BPTF: variants seen among roughly 807,000 people sequenced by gnomAD.
The protein encoded by BPTF is nucleosome-remodeling factor subunit BPTF.
In BPTF, 18 loss-of-function variants were observed where a neutral mutation model predicts 292.5. The ratio of observed to expected loss-of-function variants is 0.06; its 90% CI spans 0.04 to 0.09. The LOEUF is 0.09. BPTF is among the 10% of genes least tolerant of loss of function. The pLI is 1.00. For missense variants in BPTF, 2,726 were observed against 3,498.7 expected (o/e 0.78, Z 5.57); for synonymous variants, 1,225 against 1,251.9 (o/e 0.98, Z 0.45).
In BPTF at chr17:67,912,724, G is replaced by T; in HGVS notation, c.4840G>T (p.Val1614Phe). ...AGAAAAAGGCGATAAGCAAACTGTGGTTTCTTCCACAGAAAATTGTGCAAA... is the reference window on the plus strand; with the variant it reads ...AGAAAAAGGCGATAAGCAAACTGTGTTTTCTTCCACAGAAAATTGTGCAAA... ...KVEKGDKQTV[V>F]SSTENCAKST... Residue 1614 changes from valine to phenylalanine, a missense_variant, in exon 11 of 28, where the codon GTT becomes TTT. Val to Phe is a conservative substitution (Grantham distance 50, BLOSUM62 -1). This residue lies in a region of BPTF where 144 missense variants were observed against 177.2 expected (regional missense o/e 0.81). Transcript: ENST00000306378. The T allele has an allele frequency of 6.2e-7, 1 of 1,613,994 alleles. No homozygotes were observed. Among genetic ancestry groups the T allele is most frequent in the Non-Finnish European group, 8.5e-7 (1 of 1,180,016 alleles).
rs80043429 is a variant in BPTF at position 67,859,493 on chromosome 17, C to A, written c.1436+4731C>A. On this transcript the variant is annotated intron_variant, in intron 2 of 27. Coordinates refer to ENST00000306378, the MANE Select transcript of BPTF (RefSeq NM_182641.4). ...CATCTTATAGATAAAGAGACTAAAT[C>A]TCAAAGAGGTTAAATAATTTGCCCT... 1.2e-4 allele frequency among the ~76,000 whole-genome samples: 19 copies of A among 152,332 alleles called. No individual in the cohort carries two copies. In the East Asian group the frequency reaches 3.7e-3, roughly 29 times the overall value.
At chr17:67,913,421 A>C (rs1370462788) in intron 11 of BPTF, among the ~76,000 whole-genome samples, 1 of 152,188 alleles carries the variant, frequency 6.6e-6, no homozygotes, top group Non-Finnish European at 1.5e-5. Flanking sequence ...CTATTTTAAA[A>C]ATGAAATTCA....
At chr17:67,981,862 A>G in intron 27 of BPTF, 1 of 58,308 alleles carries the variant, frequency 1.7e-5, no homozygotes, top group Non-Finnish European at 2.9e-5. Context: ...CATCAATGTA[A>G]ATAAACACAC....
chr17:67,929,761 A>T (rs2064203375), intron 17 of BPTF, among the ~76,000 whole-genome samples: 4 of 152,244 alleles, frequency 2.6e-5, no homozygotes, highest in Admixed American at 2.6e-4. Context: ...TTTATGTAAA[A>T]CAGTGGACAG....
intron 4 of BPTF, among the ~76,000 whole-genome samples, chr17:67,888,461 G>T (rs770524267): frequency 5.9e-5 from 9 of 151,884 alleles, no homozygotes; most frequent in Non-Finnish European, 1.2e-4. Flanking sequence ...ATGGTGGTGT[G>T]TGCCTGTAAT....
intron 24 of BPTF, chr17:67,963,418 G>A (rs1259631672): frequency 1.8e-5 from 28 of 1,536,026 alleles, no homozygotes; most frequent in Non-Finnish European, 2.4e-5. Context: ...GAAAATGGAT[G>A]TGTACATCTG....
chr17:67,982,301 T>TA lies in BPTF; in HGVS notation c.*15dup. The TA allele has an allele frequency of 6.2e-7, 1 of 1,604,346 alleles. No homozygotes were observed. Among genetic ancestry groups the TA allele is most frequent in the Non-Finnish European group, 8.5e-7 (1 of 1,172,222 alleles). ...TACAGCTTCTTAAAGTTCAGCGTGT[T>TA]AACCTAACATAAAACACAGCAAGAA... On this transcript the variant is annotated 3_prime_UTR_variant, in exon 28 of 28. Coordinates refer to ENST00000306378, the MANE Select transcript of BPTF (RefSeq NM_182641.4).
chr17:67,967,251 C>G (rs147061402), intron 26 of BPTF, among the ~76,000 whole-genome samples: 1 of 150,414 alleles, frequency 6.6e-6, no homozygotes, highest in Non-Finnish European at 1.5e-5. Context: ...AAGCAATTCT[C>G]CTGCCTCAGC....
Position 67,982,289 on chromosome 17 carries a change from AG to A in BPTF, c.*2del. On this transcript the variant is annotated 3_prime_UTR_variant, in exon 28 of 28. Transcript: ENST00000306378. The stretch of plus-strand genomic sequence containing the variant: ...CAAACTGCAGTCTACAGCTTCTTAA[AG>A]TTCAGCGTGTTAACCTAACATAAAA... 1 of 1,610,302 alleles carries A rather than the reference AG, an allele frequency of 6.2e-7. No individual in the cohort carries two copies. Among genetic ancestry groups the A allele is most frequent in the Admixed American group, 1.7e-5 (1 of 59,892 alleles).
intron 9 of BPTF, among the ~76,000 whole-genome samples, chr17:67,908,724 C>A (rs1157237448): frequency 6.6e-6 from 1 of 151,444 alleles, no homozygotes; most frequent in Admixed American, 6.6e-5. Context: ...TCCTTGTCCT[C>A]AAGTGATCCG....
intron 19 of BPTF, among the ~76,000 whole-genome samples, chr17:67,942,091 G>C (rs868916742): frequency 6.6e-6 from 1 of 152,192 alleles, no homozygotes; most frequent in Admixed American, 6.5e-5. Flanking sequence ...CAAGCCAGGT[G>C]GATCACTTGA....
intron 4 of BPTF, among the ~76,000 whole-genome samples, chr17:67,879,157 TTTG>T: frequency 6.8e-6 from 1 of 147,292 alleles, no homozygotes; most frequent in Admixed American, 6.9e-5. Flanking sequence ...TTTTTTTCTT[TTTG>T]AGATGGAGTT....
In BPTF at chr17:67,919,993, C is replaced by T. The variant is rs969050881; in HGVS notation, c.5429-22C>T. On this transcript the variant is annotated intron_variant, in intron 12 of 27. Coordinates refer to ENST00000306378, the MANE Select transcript of BPTF (RefSeq NM_182641.4). ...TGAGTATTTCAGTTGGTTATTAATACTATTGAATTAAATCACCATAGAAAC... is the reference window on the plus strand; with the variant it reads ...TGAGTATTTCAGTTGGTTATTAATATTATTGAATTAAATCACCATAGAAAC... The T allele has an allele frequency of 4.4e-6, 7 of 1,595,320 alleles. No homozygotes were observed. In the South Asian group the frequency reaches 7.9e-5, roughly 18 times the overall value.
intron 15 of BPTF, among the ~76,000 whole-genome samples, chr17:67,926,822 T>C (rs1417324977): frequency 6.6e-6 from 1 of 151,926 alleles, no homozygotes; most frequent in African/African-American, 2.4e-5. Flanking sequence ...ATTGCAACTT[T>C]GAATTCCTGG....
chr17:67,887,886 C>T (rs1196930586), intron 4 of BPTF, among the ~76,000 whole-genome samples: 2 of 152,170 alleles, frequency 1.3e-5, no homozygotes, highest in African/African-American at 4.8e-5. Flanking sequence ...TTTCCAAGGT[C>T]TGTGACCCAA....
chr17:67,956,243 C>T (rs1598903908), intron 23 of BPTF: 1 of 137,236 alleles, frequency 7.3e-6, no homozygotes, highest in East Asian at 2.4e-4. Context: ...GGCGTGAACC[C>T]GGGAGGCGGA....
At chr17:67,883,211 G>A (rs2060538475) in intron 4 of BPTF, among the ~76,000 whole-genome samples, 2 of 151,758 alleles carry the variant, frequency 1.3e-5, no homozygotes, top group South Asian at 4.2e-4. Context: ...AGCTGCTCAG[G>A]AGGCTGAGGC....
chr17:67,963,248 T>C, intron 24 of BPTF: 1 of 1,377,812 alleles, frequency 7.3e-7, no homozygotes. Flanking sequence ...TGTAAAAAAG[T>C]GAATCAAGGC....
intron 23 of BPTF, among the ~76,000 whole-genome samples, chr17:67,957,596 G>A (rs571909258): frequency 3.3e-5 from 5 of 152,144 alleles, no homozygotes; most frequent in African/African-American, 9.7e-5. Context: ...ATGGCCGGGT[G>A]TAAGTGGCTC....
Sources: allele counts gnomAD v4.1 joint callset (sites outside exome capture counted in the v4.1 genomes callset), GRCh38; gene constraint gnomAD v4.1.1; regional missense constraint gnomAD v4.1.1; transcripts MANE v1.5; gene names NCBI Gene and HGNC (gene_info 2026-07-23, HGNC 2026-07-21).